TTL: variants seen among roughly 807,000 people sequenced by gnomAD.
TTL encodes the protein tubulin--tyrosine ligase.
TTL carries 10 observed loss-of-function variants against 41.1 expected under a neutral mutation model. The ratio of observed to expected loss-of-function variants is 0.24; its 90% CI spans 0.15 to 0.41. The LOEUF is 0.41. Ranked by LOEUF, TTL falls within the 10% of genes least tolerant of loss-of-function variation. The pLI is 1.00. For synonymous variants in TTL, 175 were observed against 175.5 expected (o/e 1.00, Z 0.02); for missense variants, 367 against 460.4 (o/e 0.80, Z 1.86).
chr2:112,518,390 G>T (rs1248773059), intron 5 of TTL, among the ~76,000 whole-genome samples: 1 of 151,558 alleles, frequency 6.6e-6, no homozygotes, highest in East Asian at 1.9e-4. Flanking sequence ...AATGGGAGAA[G>T]AAATTTTTAT....
At chr2:112,514,388 A>C (rs1682012456) in intron 5 of TTL, among the ~76,000 whole-genome samples, 1 of 152,120 alleles carries the variant, frequency 6.6e-6, no homozygotes, top group African/African-American at 2.4e-5. Context: ...TTTCAAAAAA[A>C]AAAAAACTAA....
chr2:112,527,695 CCTATGTGTGTCT>C (rs1682402732), intron 6 of TTL, among the ~76,000 whole-genome samples: 1 of 152,104 alleles, frequency 6.6e-6, no homozygotes, highest in African/African-American at 2.4e-5. Flanking sequence ...TTATTTTGAG[CCTATGTGTGTCT>C]CTGCACGTGA....
rs934938151 is a variant in TTL at position 112,530,998 on chromosome 2, T to C, written c.*2203T>C. 1.1e-5 allele frequency: 2 copies of C among 188,182 alleles called. No homozygotes were observed. Among genetic ancestry groups the C allele is most frequent in the Non-Finnish European group, 2.2e-5 (2 of 89,182 alleles). The allele number at this position is 188,182 out of a possible 1,614,324, so 11.7% of individuals were successfully genotyped here. The stretch of plus-strand genomic sequence containing the variant: ...AATAAAATTTTACAGAGACGTGGTC[T>C]CACTGTGTTGCCCAGGCTGGATTGC... On this transcript the variant is annotated 3_prime_UTR_variant, in exon 7 of 7. Coordinates refer to ENST00000233336, the MANE Select transcript of TTL (RefSeq NM_153712.5).
In TTL at chr2:112,532,536, G is replaced by A. The variant is rs1682531520; in HGVS notation, c.*3741G>A. On this transcript the variant is annotated 3_prime_UTR_variant, in exon 7 of 7. Transcript: ENST00000233336. ...GGTGGCTGAGGTGGGAGGATCGCTT[G>A]AGGCTGAGGTGTGAGGCTGCAGTGA... 9.6e-6 allele frequency: 2 copies of A among 207,304 alleles called. No homozygotes were observed. The highest frequency in any genetic ancestry group is 1.2e-4 in the Admixed American group (2 of 16,782). The allele number at this position is 207,304 out of a possible 1,614,324, so 12.8% of individuals were successfully genotyped here. A position where few individuals can be genotyped will look rare whatever the true frequency, so the allele number is the denominator to read the frequency against.
At chr2:112,523,696 A>G (rs1395395786) in intron 6 of TTL, among the ~76,000 whole-genome samples, 4 of 152,200 alleles carry the variant, frequency 2.6e-5, no homozygotes, top group East Asian at 1.9e-4. Context: ...AAGGCCTTCC[A>G]TAAGTATTTG....
Position 112,482,321 on chromosome 2 carries a change from G to C in TTL, c.-24G>C. On this transcript the variant is annotated 5_prime_UTR_variant, in exon 1 of 7. Transcript: ENST00000233336. The surrounding 1 kb of genome is among the most constrained non-coding windows in gnomAD (Gnocchi z 5.3). ...CTGGTCCCTGCGGCGGCTGCCCGGC[G>C]GCCCGGGCGCGCGGCGCTTCGCCAT... 2 of 1,472,846 alleles carry C rather than the reference G, an allele frequency of 1.4e-6. No homozygotes were observed. 91.2% of individuals were successfully genotyped at this position (1,472,846 alleles called of 1,614,324 possible).
chr2:112,512,624 C>T (rs1052720383), intron 5 of TTL, among the ~76,000 whole-genome samples: 7 of 151,864 alleles, frequency 4.6e-5, no homozygotes, highest in African/African-American at 7.3e-5. Context: ...CTGGAATTTC[C>T]GACTTCAGGT....
At chr2:112,526,660 T>C (rs1038210327) in intron 6 of TTL, among the ~76,000 whole-genome samples, 3 of 152,218 alleles carry the variant, frequency 2.0e-5, no homozygotes, top group African/African-American at 7.2e-5. Flanking sequence ...TTATTGCGTC[T>C]ATTTGATTCT....
At chr2:112,514,922 G>A (rs898916252) in intron 5 of TTL, among the ~76,000 whole-genome samples, 1 of 151,470 alleles carries the variant, frequency 6.6e-6, no homozygotes, top group African/African-American at 2.4e-5. Flanking sequence ...CATTCTTTTC[G>A]TCTGACATCT....
At chr2:112,521,999 A>G (rs953203250) in intron 6 of TTL, among the ~76,000 whole-genome samples, 1 of 151,998 alleles carries the variant, frequency 6.6e-6, no homozygotes, top group African/African-American at 2.4e-5. Flanking sequence ...GTCCTTTCCT[A>G]TCAGGGGTTT....
intron 2 of TTL, 134 bp downstream of exon 2, chr2:112,486,129 C>A: frequency 1.2e-6 from 1 of 867,890 alleles, no homozygotes; most frequent in Non-Finnish European, 1.8e-6. Context: ...TTCCTCTAAG[C>A]CGCTTTGGTT....
At chr2:112,513,562 C>G (rs940154313) in intron 5 of TTL, among the ~76,000 whole-genome samples, 8 of 149,530 alleles carry the variant, frequency 5.4e-5, no homozygotes, top group African/African-American at 7.4e-5. Flanking sequence ...TGGATTTATA[C>G]AAATATACAT....
chr2:112,503,825 T>A (rs1399106961), intron 5 of TTL, among the ~76,000 whole-genome samples: 5 of 118,850 alleles, frequency 4.2e-5, no homozygotes, highest in African/African-American at 9.0e-5. Context: ...TTTTTTTTTT[T>A]ATTATACTCT....
intron 5 of TTL, 37 bp from the exon 6 acceptor site, chr2:112,520,245 C>G (rs1031409796): frequency 6.2e-7 from 1 of 1,610,082 alleles, no homozygotes; most frequent in African/African-American, 1.3e-5. Flanking sequence ...CCTTTGACCA[C>G]CCCGTTCTAA....
At chr2:112,524,229 A>T (rs1294246026) in intron 6 of TTL, among the ~76,000 whole-genome samples, 2 of 152,126 alleles carry the variant, frequency 1.3e-5, no homozygotes, top group Admixed American at 6.5e-5. Context: ...AGTCTTTGCT[A>T]TTGTGAATAG....
chr2:112,517,374 A>T (rs1219551053), intron 5 of TTL, among the ~76,000 whole-genome samples: 1 of 151,722 alleles, frequency 6.6e-6, no homozygotes, highest in Non-Finnish European at 1.5e-5. Flanking sequence ...TAGCCTCCCG[A>T]CTAGCTGGGA....
chr2:112,483,373 A>G (rs1681148746), intron 1 of TTL: 1 of 152,254 alleles, frequency 6.6e-6, no homozygotes, highest in African/African-American at 2.4e-5. Context: ...TGACCTGAGC[A>G]TAGTCTCATG....
intron 6 of TTL, among the ~76,000 whole-genome samples, chr2:112,528,181 C>T (rs1043866603): frequency 1.3e-5 from 2 of 152,274 alleles, no homozygotes; most frequent in East Asian, 1.9e-4. Context: ...CCGAGAGATC[C>T]GCTATTAGTC....
chr2:112,485,289 GT>G lies in TTL; in HGVS notation c.158-627del, dbSNP rs1438699933. Among the ~76,000 whole-genome samples, 3 of 152,204 alleles carry G rather than the reference GT, an allele frequency of 2.0e-5. No individual in the cohort carries two copies. The East Asian group carries it at 5.8e-4, about 29-fold the overall frequency. On this transcript the variant is annotated intron_variant, in intron 1 of 6. Coordinates refer to ENST00000233336, the MANE Select transcript of TTL (RefSeq NM_153712.5). ...TTTTTAATAAAAATTGTTTTTCTTT[GT>G]GTCCTTTCTGCTCTAATTCTATAAA...
Sources: gnomAD v4.1 joint callset for allele counts (sites outside exome capture counted in the v4.1 genomes callset) on GRCh38, gnomAD v4.1.1 for gene constraint, Gnocchi (gnomAD v3.1) non-coding constraint, MANE v1.5 for transcripts, NCBI Gene and HGNC (gene_info 2026-07-23, HGNC 2026-07-21) for gene names.